CAMTA1: variants seen among roughly 807,000 people sequenced by gnomAD.
CAMTA1 encodes the protein calmodulin binding transcription activator 1.
In CAMTA1, 27 loss-of-function variants were observed where a neutral mutation model predicts 170.9. The observed-to-expected ratio is 0.16, with a 90% CI of 0.12 to 0.22. The LOEUF is 0.22. Among genes scored for constraint, CAMTA1 ranks in the 10% least tolerant of loss-of-function variants. CAMTA1 has a pLI of 1.00. For synonymous variants in CAMTA1, 833 were observed against 891.5 expected (o/e 0.93, Z 1.17); for missense variants, 1,619 against 2,217.2 (o/e 0.73, Z 5.42).
intron 5 of CAMTA1, among the ~76,000 whole-genome samples, chr1:7,365,935 G>A (rs559548483): frequency 2.3e-4 from 35 of 152,314 alleles, no homozygotes; most frequent in African/African-American, 7.7e-4. Flanking sequence ...AGCTTCCTGC[G>A]TCTGAATCCC....
intron 3 of CAMTA1, among the ~76,000 whole-genome samples, chr1:6,952,840 T>A (rs1050151581): frequency 4.6e-5 from 7 of 151,706 alleles, no homozygotes; most frequent in Non-Finnish European, 1.0e-4. Context: ...TCTCAAAAAA[T>A]AAAAAACAAA....
chr1:7,047,703 TTCTCTC>T (rs745458237), intron 3 of CAMTA1, among the ~76,000 whole-genome samples: 18 of 149,816 alleles, frequency 1.2e-4, no homozygotes, highest in Admixed American at 5.3e-4. Flanking sequence ...GGCTTTGGCT[TTCTCTC>T]TCTCTCTCTC....
chr1:7,654,945 T>G (rs773651823), intron 7 of CAMTA1, among the ~76,000 whole-genome samples: 89 of 112,230 alleles, frequency 7.9e-4, no homozygotes, highest in Non-Finnish European at 1.4e-3. Context: ...AGCACACACC[T>G]ATACACACAC....
At chr1:7,590,757 C>T (rs113310995) in intron 6 of CAMTA1, among the ~76,000 whole-genome samples, 46 of 152,312 alleles carry the variant, frequency 3.0e-4, no homozygotes, top group African/African-American at 9.6e-4. Context: ...CTCAGAGAGA[C>T]TGGGCAGTGG....
At chr1:7,103,668 A>C (rs532376318) in intron 4 of CAMTA1, among the ~76,000 whole-genome samples, 2 of 151,642 alleles carry the variant, frequency 1.3e-5, no homozygotes, top group Middle Eastern at 3.4e-3. Flanking sequence ...TGTACACGCA[A>C]CTACACACAT....
chr1:7,497,850 G>T (rs1446163823), intron 6 of CAMTA1, among the ~76,000 whole-genome samples: 1 of 152,176 alleles, frequency 6.6e-6, no homozygotes, highest in African/African-American at 2.4e-5. Flanking sequence ...TGCTAATGTG[G>T]ATTCTACTGT....
intron 3 of CAMTA1, among the ~76,000 whole-genome samples, chr1:7,017,647 T>A (rs2100888740): frequency 6.6e-6 from 1 of 152,356 alleles, no homozygotes; most frequent in Middle Eastern, 3.4e-3. Context: ...GTCTCATTTG[T>A]ATGCATCAGT....
chr1:7,017,075 G>C (rs1407900287), intron 3 of CAMTA1, among the ~76,000 whole-genome samples: 7 of 152,154 alleles, frequency 4.6e-5, no homozygotes, highest in Non-Finnish European at 1.0e-4. Flanking sequence ...GTCTTCGACA[G>C]CTCTCACACA....
chr1:6,806,930 CT>C, intron 1 of CAMTA1: 1 of 444,692 alleles, frequency 2.2e-6, no homozygotes, highest in South Asian at 5.5e-5. Flanking sequence ...TATTGTTATA[CT>C]TTTAAGTCAC....
intron 6 of CAMTA1, among the ~76,000 whole-genome samples, chr1:7,557,128 C>T (rs547008969): frequency 6.6e-6 from 1 of 151,832 alleles, no homozygotes; most frequent in Non-Finnish European, 1.5e-5. Context: ...GGCAACATGG[C>T]GAAACCCGGC....
intron 22 of CAMTA1, among the ~76,000 whole-genome samples, chr1:7,761,293 C>G (rs894406469): frequency 6.6e-6 from 1 of 152,136 alleles, no homozygotes; most frequent in Non-Finnish European, 1.5e-5. Flanking sequence ...GAAATGTGGC[C>G]GCACAGCTCT....
chr1:7,551,164 C>T (rs992144040), intron 6 of CAMTA1, among the ~76,000 whole-genome samples: 1 of 152,158 alleles, frequency 6.6e-6, no homozygotes, highest in Non-Finnish European at 1.5e-5. Context: ...CAGTCTCCAC[C>T]CTAGCCACCC....
intron 3 of CAMTA1, among the ~76,000 whole-genome samples, chr1:7,045,451 G>A (rs1420635870): frequency 6.6e-6 from 1 of 152,166 alleles, no homozygotes; most frequent in Admixed American, 6.5e-5. Context: ...CCCAATACCT[G>A]AGACTGCATG....
chr1:7,123,227 C>A (rs1409764680), intron 4 of CAMTA1, among the ~76,000 whole-genome samples: 1 of 152,106 alleles, frequency 6.6e-6, no homozygotes, highest in African/African-American at 2.4e-5. Context: ...AGCTCTGTTT[C>A]ATACCTAGCT....
intron 4 of CAMTA1, among the ~76,000 whole-genome samples, chr1:7,123,313 A>G (rs1307131847): frequency 3.3e-5 from 5 of 151,950 alleles, no homozygotes; most frequent in Non-Finnish European, 7.4e-5. Flanking sequence ...TTCCCTTTGA[A>G]TGTGTCTGCC....
At chr1:6,884,228 T>A (rs561968943) in intron 3 of CAMTA1, among the ~76,000 whole-genome samples, 5 of 151,834 alleles carry the variant, frequency 3.3e-5, no homozygotes, top group Admixed American at 6.6e-5. Flanking sequence ...GTAGAGGTCA[T>A]GTGCTTCGAT....
chr1:7,487,998 G>A (rs189374676), intron 6 of CAMTA1, among the ~76,000 whole-genome samples: 1 of 152,298 alleles, frequency 6.6e-6, no homozygotes, highest in East Asian at 1.9e-4. Context: ...AAGCCTGCCT[G>A]CCTTTGGAGC....
intron 3 of CAMTA1, among the ~76,000 whole-genome samples, chr1:6,880,395 T>TG (rs1671222475): frequency 6.8e-6 from 1 of 147,314 alleles, no homozygotes; most frequent in East Asian, 2.0e-4. Context: ...TTTTTTTTTT[T>TG]TTTTTTTTTT....
chr1:6,989,369 C>A (rs1439475530), intron 3 of CAMTA1, among the ~76,000 whole-genome samples: 2 of 152,186 alleles, frequency 1.3e-5, no homozygotes, highest in East Asian at 1.9e-4. Flanking sequence ...GATTTACATG[C>A]GCTCTGCCAG....
Sources: allele counts gnomAD v4.1 joint callset (sites outside exome capture counted in the v4.1 genomes callset), GRCh38; gene constraint gnomAD v4.1.1; transcripts MANE v1.5; gene names NCBI Gene and HGNC (gene_info 2026-07-23, HGNC 2026-07-21).